Variants in MINDY3 observed in about 807,000 individuals in gnomAD.
MINDY3 encodes MINDY lysine 48 deubiquitinase 3.
In MINDY3, 38 loss-of-function variants were observed where a neutral mutation model predicts 69.2. The ratio of observed to expected loss-of-function variants is 0.55; its 90% confidence interval spans 0.42 to 0.72. MINDY3 has a LOEUF of 0.72. Among genes scored for constraint, MINDY3 ranks in the 30% least tolerant of loss-of-function variants. The pLI, the probability that MINDY3 is intolerant of heterozygous loss-of-function variation, is 0.00. For synonymous variants in MINDY3, 192 were observed against 180.1 expected (o/e 1.07, Z -0.53); for missense variants, 522 against 519.0 (o/e 1.01, Z -0.06).
chr10:15,817,653 C>G (rs1410855170), intron 9 of MINDY3: 1 of 152,182 alleles, frequency 6.6e-6, no homozygotes, highest in African/African-American at 2.4e-5. Context: ...CACTCAATTC[C>G]ACTCTCATAT....
intron 9 of MINDY3, chr10:15,817,286 A>C (rs1839439225): frequency 1.2e-5 from 2 of 166,150 alleles, no homozygotes; most frequent in Non-Finnish European, 2.6e-5. Context: ...TGACGATAAT[A>C]ACTTTATAAG....
rs1836590340 is a variant in MINDY3 at position 15,782,137 on chromosome 10, C to T, written c.1188+18G>A. 1 of 1,575,406 alleles carries T rather than the reference C, an allele frequency of 6.3e-7. No individual in the cohort carries two copies. Among genetic ancestry groups the T allele is most frequent in the Non-Finnish European group, 8.7e-7 (1 of 1,147,054 alleles). ...CATCAACCCAGTTGAACACCGACGACTACGTGAATTATCATACCTTTTCAT... is the reference window on the plus strand; with the variant it reads ...CATCAACCCAGTTGAACACCGACGATTACGTGAATTATCATACCTTTTCAT... On this transcript the variant is annotated intron_variant, in intron 14 of 14. Coordinates refer to ENST00000277632, the MANE Select transcript of MINDY3 (RefSeq NM_024948.4).
intron 3 of MINDY3, among the ~76,000 whole-genome samples, chr10:15,842,941 AT>A (rs1404142081): frequency 6.6e-6 from 1 of 150,616 alleles, no homozygotes; most frequent in African/African-American, 2.4e-5. Flanking sequence ...TCTTTATGGC[AT>A]GCTGCCACCT....
chr10:15,839,967 T>C (rs1440980266), intron 4 of MINDY3, among the ~76,000 whole-genome samples: 3 of 151,752 alleles, frequency 2.0e-5, no homozygotes, highest in East Asian at 1.9e-4. Context: ...CTTTAACCTA[T>C]AGCAACGTGA....
chr10:15,793,450 A>C (rs749104066), intron 11 of MINDY3, among the ~76,000 whole-genome samples: 6 of 152,264 alleles, frequency 3.9e-5, no homozygotes, highest in Non-Finnish European at 7.4e-5. Context: ...ATATCAAAAT[A>C]AGTACTGGGC....
intron 9 of MINDY3, among the ~76,000 whole-genome samples, chr10:15,820,357 G>C (rs114104853): frequency 6.6e-6 from 1 of 151,992 alleles, no homozygotes; most frequent in South Asian, 2.1e-4. Flanking sequence ...AGACCACCAG[G>C]GTCTTAAGGG....
intron 2 of MINDY3, among the ~76,000 whole-genome samples, chr10:15,845,689 T>A (rs1833782380): frequency 6.6e-6 from 1 of 151,474 alleles, no homozygotes; most frequent in Non-Finnish European, 1.5e-5. Context: ...TTTTTTTTTT[T>A]AGAGCAGGGG....
At chr10:15,821,975 A>G (rs1033012537) in intron 8 of MINDY3, among the ~76,000 whole-genome samples, 1 of 152,144 alleles carries the variant, frequency 6.6e-6, no homozygotes, top group Non-Finnish European at 1.5e-5. Flanking sequence ...ATAAAACTTG[A>G]TATTCAATGT....
At chr10:15,843,631 G>A (rs1292237795) in intron 2 of MINDY3, among the ~76,000 whole-genome samples, 1 of 152,050 alleles carries the variant, frequency 6.6e-6, no homozygotes, top group Non-Finnish European at 1.5e-5. Context: ...ATTTCATTTA[G>A]ATTCCTTCAG....
At chr10:15,817,128 C>A in intron 9 of MINDY3, 1 of 475,788 alleles carries the variant, frequency 2.1e-6, no homozygotes. Flanking sequence ...TGTGCTTTGA[C>A]ATTAAAACAA....
At chr10:15,858,404 G>C (rs1400652799) in intron 1 of MINDY3, among the ~76,000 whole-genome samples, 1 of 152,150 alleles carries the variant, frequency 6.6e-6, no homozygotes, top group Non-Finnish European at 1.5e-5. Flanking sequence ...ACAACTTATT[G>C]TAATTGTCAG....
intron 10 of MINDY3, among the ~76,000 whole-genome samples, chr10:15,812,321 T>G (rs74126620): frequency 6.6e-6 from 1 of 152,244 alleles, no homozygotes; most frequent in African/African-American, 2.4e-5. Flanking sequence ...ATTATTCATG[T>G]GTTAAATATT....
At chr10:15,796,262 T>C (rs539332702) in intron 10 of MINDY3, 90 bp from the exon 11 acceptor site, 41 of 991,390 alleles carry the variant, frequency 4.1e-5, no homozygotes, top group Admixed American at 1.6e-4. Context: ...CATAATGACA[T>C]TGGAGTCAGA....
At chr10:15,843,893 A>G (rs1306459890) in intron 2 of MINDY3, among the ~76,000 whole-genome samples, 1 of 152,122 alleles carries the variant, frequency 6.6e-6, no homozygotes, top group East Asian at 1.9e-4. Flanking sequence ...AACGGTAGCT[A>G]TATCCCAGTC....
intron 2 of MINDY3, 60 bp downstream of exon 2, chr10:15,847,804 G>T: frequency 8.2e-7 from 1 of 1,225,396 alleles, no homozygotes; most frequent in South Asian, 1.2e-5. Context: ...ATTAGAAAAC[G>T]ACAAGTATGA....
In MINDY3 at chr10:15,816,935, A is replaced by T; in HGVS notation, c.802-20T>A. 6.4e-7 allele frequency: 1 copy of T among 1,557,212 alleles called. No individual in the cohort carries two copies. Among genetic ancestry groups the T allele is most frequent in the Non-Finnish European group, 8.8e-7 (1 of 1,133,028 alleles). On this transcript the variant is annotated intron_variant, in intron 9 of 14. Transcript: ENST00000277632. ...ACCAACCTAGAACAAATGTAGCAAA[A>T]TAAAACAAATAAACAAATTAAAAAT...
At chr10:15,802,568 G>C (rs1338708884) in intron 10 of MINDY3, among the ~76,000 whole-genome samples, 2 of 152,028 alleles carry the variant, frequency 1.3e-5, no homozygotes, top group African/African-American at 2.4e-5. Flanking sequence ...ATGAGATCTG[G>C]GTAGGGACAA....
intron 1 of MINDY3, among the ~76,000 whole-genome samples, chr10:15,850,788 T>C (rs1342952610): frequency 6.6e-6 from 1 of 152,172 alleles, no homozygotes; most frequent in African/African-American, 2.4e-5. Flanking sequence ...CCTTAAAGCA[T>C]GTGATCTCAG....
At chr10:15,824,203 T>A (rs1159219201) in intron 8 of MINDY3, among the ~76,000 whole-genome samples, 1 of 152,180 alleles carries the variant, frequency 6.6e-6, no homozygotes, top group Admixed American at 6.5e-5. Context: ...GAAATCTCCA[T>A]ACTGTTTTCC....
Sources: allele counts gnomAD v4.1 joint callset (sites outside exome capture counted in the v4.1 genomes callset), GRCh38; gene constraint gnomAD v4.1.1; transcripts MANE v1.5; gene names NCBI Gene and HGNC (gene_info 2026-07-23, HGNC 2026-07-21).